Variants in PGGT1B observed in about 807,000 individuals in gnomAD.
The protein encoded by PGGT1B is protein geranylgeranyltransferase type I subunit beta, also known as geranylgeranyl transferase type-1 subunit beta.
Under a neutral mutation model 46.1 loss-of-function variants are expected in PGGT1B, and 30 were observed. That is an observed-to-expected ratio of 0.65 (90% CI 0.49 to 0.88). The LOEUF (loss-of-function observed/expected upper bound fraction) is 0.88, where lower values mean the gene tolerates loss of function less well. PGGT1B is among the 40% of genes least tolerant of loss of function. The probability of loss-of-function intolerance (pLI) is 0.00; values close to 1 mark genes in which losing one functional copy is unlikely to be tolerated. For missense variants in PGGT1B, 376 were observed against 455.9 expected, an observed-to-expected ratio of 0.82 and a Z score of 1.60; for synonymous variants, 170 against 160.0, an observed-to-expected ratio of 1.06 and a Z score of -0.47.
chr5:115,262,295 A>G (rs1748593531), intron 1 of PGGT1B, among the ~76,000 whole-genome samples: 1 of 152,204 alleles, frequency 6.6e-6, no homozygotes, highest in African/African-American at 2.4e-5. Flanking sequence ...TACACATAAA[A>G]CACCATACAG....
intron 1 of PGGT1B, among the ~76,000 whole-genome samples, chr5:115,260,737 A>C (rs1408691812): frequency 6.6e-6 from 1 of 152,088 alleles, no homozygotes; most frequent in Non-Finnish European, 1.5e-5. Flanking sequence ...AAAAGGATAC[A>C]ATATTGCTTA....
rs1161440938 is a variant in PGGT1B, at chr5:115,206,204, T to A, written c.*6198A>T. 6.6e-6 allele frequency: 1 copy of A among 151,882 alleles called. No individual in the cohort carries two copies. The highest frequency in any genetic ancestry group is 2.4e-5 in the African/African-American group (1 of 41,420). The allele number at this position is 151,882 out of a possible 1,614,324, so 9.4% of individuals were successfully genotyped here. Reference sequence around the variant, plus strand: ...ATGTTCAGATATTTAAAGAATATTCTCTATTTCTATATCTCTATATACAGA... The same window carrying A: ...ATGTTCAGATATTTAAAGAATATTCACTATTTCTATATCTCTATATACAGA... On this transcript the variant is annotated 3_prime_UTR_variant, in exon 9 of 9. Transcript: ENST00000419445.
In PGGT1B at chr5:115,262,853, C is replaced by A. The variant is rs1459956890; in HGVS notation, c.-2G>T. 2 of 1,611,940 alleles carry A rather than the reference C, an allele frequency of 1.2e-6. No homozygotes were observed. The highest frequency in any genetic ancestry group is 3.3e-5 in the Admixed American group (2 of 60,014). On this transcript the variant is annotated 5_prime_UTR_variant, in exon 1 of 9. Coordinates refer to ENST00000419445, the MANE Select transcript of PGGT1B (RefSeq NM_005023.4). ...CCTCTCATCCTCAGTGGCCGCCATGCTGCTCCGGAAGCGACGTCCGCCGCG... is the reference window on the plus strand; with the variant it reads ...CCTCTCATCCTCAGTGGCCGCCATGATGCTCCGGAAGCGACGTCCGCCGCG...
chr5:115,240,902 G>A (rs1757327563), intron 3 of PGGT1B, among the ~76,000 whole-genome samples: 1 of 152,100 alleles, frequency 6.6e-6, no homozygotes, highest in South Asian at 2.1e-4. Flanking sequence ...GTGTACATAT[G>A]GAACACCTAC....
chr5:115,255,481 T>C (rs1163898668), intron 1 of PGGT1B, among the ~76,000 whole-genome samples: 1 of 152,218 alleles, frequency 6.6e-6, no homozygotes, highest in Non-Finnish European at 1.5e-5. Context: ...CAGGGTTTTT[T>C]GGTTTTGATA....
chr5:115,229,417 A>T (rs1388085052), intron 6 of PGGT1B, among the ~76,000 whole-genome samples: 1 of 152,118 alleles, frequency 6.6e-6, no homozygotes, highest in Admixed American at 6.6e-5. Context: ...TTATAGATAG[A>T]AGGAAGATAT....
intron 1 of PGGT1B, among the ~76,000 whole-genome samples, chr5:115,257,332 A>G (rs267306): frequency 0.9 from 136,883 of 152,000 alleles, 61,865 homozygotes; most frequent in African/African-American, 0.98. Flanking sequence ...GGCCAACATG[A>G]TGAAACTCCA....
intron 1 of PGGT1B, among the ~76,000 whole-genome samples, chr5:115,262,324 A>G (rs1182423863): frequency 1.3e-5 from 2 of 152,238 alleles, no homozygotes; most frequent in African/African-American, 2.4e-5. Flanking sequence ...TTAAGAGTTA[A>G]TGACTTTAGA....
intron 8 of PGGT1B, among the ~76,000 whole-genome samples, 161 bp downstream of exon 8, chr5:115,216,704 C>T (rs556095412): frequency 1.3e-5 from 2 of 152,296 alleles, no homozygotes; most frequent in South Asian, 4.1e-4. Flanking sequence ...CTCTAATACC[C>T]TAAATTTATC....
rs565067553 is a variant in PGGT1B, at chr5:115,209,369, G to C, written c.*3033C>G. ...TGCTTTAACATTCATCTGCAAATGA[G>C]ATTCTGTAGTCACTTCCCAGTTTCA... On this transcript the variant is annotated 3_prime_UTR_variant, in exon 9 of 9. Transcript: ENST00000419445. 1 of 152,210 alleles carries C rather than the reference G, an allele frequency of 6.6e-6. No individual in the cohort carries two copies. The highest frequency in any genetic ancestry group is 2.1e-4 in the South Asian group (1 of 4,828). The allele number at this position is 152,210 out of a possible 1,614,324, so 9.4% of individuals were successfully genotyped here.
intron 6 of PGGT1B, among the ~76,000 whole-genome samples, chr5:115,225,295 T>C (rs1756735896): frequency 6.6e-6 from 1 of 152,242 alleles, no homozygotes; most frequent in Non-Finnish European, 1.5e-5. Context: ...TGCAGAATAC[T>C]TCAGTCATAA....
Position 115,212,702 on chromosome 5 carries a change from T to C in PGGT1B, c.953-119A>G, listed in dbSNP as rs1756272834. The C allele has an allele frequency of 8.2e-6, 5 of 612,840 alleles. No homozygotes were observed. The South Asian group carries it at 8.7e-5, about 11-fold the overall frequency. The allele number at this position is 612,840 out of a possible 1,614,324, so 38.0% of individuals were successfully genotyped here. A position where few individuals can be genotyped will look rare whatever the true frequency, so the allele number is the denominator to read the frequency against. On this transcript the variant is annotated intron_variant, in intron 8 of 8. Coordinates refer to ENST00000419445, the MANE Select transcript of PGGT1B (RefSeq NM_005023.4). ...ATTAAAAGTAAGTTTAGAGAAATGCTAATATAGTTTTAAAAATATTTGCTT... is the reference window on the plus strand; with the variant it reads ...ATTAAAAGTAAGTTTAGAGAAATGCCAATATAGTTTTAAAAATATTTGCTT...
chr5:115,215,805 C>G (rs1387321601), intron 8 of PGGT1B, among the ~76,000 whole-genome samples: 1 of 152,182 alleles, frequency 6.6e-6, no homozygotes, highest in Non-Finnish European at 1.5e-5. Context: ...TATTGCAATA[C>G]TGGCAAAAAC....
At chr5:115,221,278 T>C (rs1756578677) in intron 7 of PGGT1B, among the ~76,000 whole-genome samples, 1 of 151,984 alleles carries the variant, frequency 6.6e-6, no homozygotes, top group African/African-American at 2.4e-5. Flanking sequence ...GTGTATTTAG[T>C]GACTAAATAA....
intron 8 of PGGT1B, among the ~76,000 whole-genome samples, chr5:115,216,290 TCACCA>T (rs1225953251): frequency 6.6e-6 from 1 of 151,980 alleles, no homozygotes. Context: ...CAGGCACGCA[TCACCA>T]CACCTGGCTG....
At chr5:115,259,713 T>C (rs1162811253) in intron 1 of PGGT1B, among the ~76,000 whole-genome samples, 2 of 112,884 alleles carry the variant, frequency 1.8e-5, no homozygotes, top group Admixed American at 1.8e-4. Flanking sequence ...AAAAAAAAGA[T>C]AAGGGAGGAA....
intron 6 of PGGT1B, among the ~76,000 whole-genome samples, chr5:115,223,864 A>G (rs1756671623): frequency 6.6e-6 from 1 of 152,218 alleles, no homozygotes; most frequent in African/African-American, 2.4e-5. Flanking sequence ...GCAATTTATT[A>G]TGACTTCACC....
chr5:115,211,206 T>C lies in PGGT1B; in HGVS notation c.*1196A>G, dbSNP rs1756210395. 3 of 152,026 alleles carry C rather than the reference T, an allele frequency of 2.0e-5. No homozygotes were observed. Among genetic ancestry groups the C allele is most frequent in the Admixed American group, 2.0e-4 (3 of 15,260 alleles). The allele number at this position is 152,026 out of a possible 1,614,324, so 9.4% of individuals were successfully genotyped here. On this transcript the variant is annotated 3_prime_UTR_variant, in exon 9 of 9. Transcript: ENST00000419445. ...ATAGTTCTGAATGTCACTGAGCAAG[T>C]AACGGATATGAGTTATTGATAAATT...
At chr5:115,232,186 C>A (rs375256954) in intron 5 of PGGT1B, among the ~76,000 whole-genome samples, 1 of 151,966 alleles carries the variant, frequency 6.6e-6, no homozygotes, top group Admixed American at 6.6e-5. Flanking sequence ...ACAGCTATTA[C>A]GGGAATGTTG....
Sources: gnomAD v4.1 joint callset for allele counts (sites outside exome capture counted in the v4.1 genomes callset) on GRCh38, gnomAD v4.1.1 for gene constraint, MANE v1.5 for transcripts, NCBI Gene and HGNC (gene_info 2026-07-23, HGNC 2026-07-21) for gene names.